AGMO: variants seen among roughly 807,000 people sequenced by gnomAD.
AGMO encodes the protein alkylglycerol monooxygenase.
A neutral mutation model predicts 60.2 loss-of-function variants in AGMO; 75 were observed. That is an observed-to-expected ratio of 1.25 (90% CI 1.03 to 1.51). The LOEUF is 1.51. Among genes scored for constraint, AGMO ranks in the 40% most tolerant of loss-of-function variants. AGMO has a pLI of 0.00. For missense variants in AGMO, 763 were observed against 525.5 expected (o/e 1.45, Z -4.42); for synonymous variants, 261 against 177.1 (o/e 1.47, Z -3.76).
chr7:15,286,943 A>G (rs1303048016), intron 12 of AGMO, among the ~76,000 whole-genome samples: 1 of 152,166 alleles, frequency 6.6e-6, no homozygotes, highest in Non-Finnish European at 1.5e-5. Flanking sequence ...ATGGAGCTGG[A>G]GGCCATTATT....
At chr7:15,428,644 T>C (rs1781137470) in intron 4 of AGMO, among the ~76,000 whole-genome samples, 1 of 152,120 alleles carries the variant, frequency 6.6e-6, no homozygotes, top group African/African-American at 2.4e-5. Flanking sequence ...AAGATTCATA[T>C]TTATAGCTTT....
chr7:15,325,476 A>C (rs1349163057), intron 12 of AGMO, among the ~76,000 whole-genome samples: 1 of 152,104 alleles, frequency 6.6e-6, no homozygotes, highest in Non-Finnish European at 1.5e-5. Flanking sequence ...GTTGTTTTTT[A>C]AACAAACTTC....
chr7:15,288,856 A>T (rs376997702), intron 12 of AGMO, among the ~76,000 whole-genome samples: 4,274 of 147,358 alleles, frequency 0.029, 101 homozygotes, highest in Non-Finnish European at 0.046. Context: ...AAAAATAAAA[A>T]AAAAAAAAAT....
At chr7:15,237,373 T>C (rs2128501542) in intron 12 of AGMO, among the ~76,000 whole-genome samples, 1 of 152,180 alleles carries the variant, frequency 6.6e-6, no homozygotes, top group South Asian at 2.1e-4. Flanking sequence ...CTTTTCTTTA[T>C]ATTTCCTGTG....
intron 12 of AGMO, among the ~76,000 whole-genome samples, chr7:15,342,382 AGT>A (rs1563097644): frequency 6.6e-6 from 1 of 151,962 alleles, no homozygotes; most frequent in Non-Finnish European, 1.5e-5. Flanking sequence ...TGAATTCATA[AGT>A]GTCTTCCAAA....
At chr7:15,189,554 G>T in the AGMO span, among the ~76,000 whole-genome samples, 2 of 151,918 alleles carry the variant, frequency 1.3e-5, no homozygotes, top group Admixed American at 1.3e-4. Context: ...TTCACTTTTT[G>T]TTTTTTGAAG....
At chr7:15,320,690 C>T (rs1209581654) in intron 12 of AGMO, among the ~76,000 whole-genome samples, 1 of 152,020 alleles carries the variant, frequency 6.6e-6, no homozygotes, top group Non-Finnish European at 1.5e-5. Flanking sequence ...AAGCTAACAA[C>T]CATCATTAAA....
intron 12 of AGMO, among the ~76,000 whole-genome samples, chr7:15,209,655 C>G (rs1293374026): frequency 1.3e-5 from 2 of 152,132 alleles, no homozygotes; most frequent in East Asian, 3.9e-4. Context: ...CAAATGGTTT[C>G]TCGCCTAAGT....
intron 3 of AGMO, among the ~76,000 whole-genome samples, chr7:15,515,869 T>C (rs1783795273): frequency 1.3e-5 from 2 of 152,188 alleles, no homozygotes; most frequent in African/African-American, 4.8e-5. Context: ...TTTAGTACTG[T>C]AGACAGGGTA....
chr7:15,369,739 G>GT (rs1014418807), intron 10 of AGMO, among the ~76,000 whole-genome samples: 9 of 152,010 alleles, frequency 5.9e-5, no homozygotes, highest in Non-Finnish European at 1.5e-5. Context: ...CTCAATGAAA[G>GT]TTTTTATCTC....
chr7:15,297,352 C>T (rs571067941), intron 12 of AGMO, among the ~76,000 whole-genome samples: 3 of 152,212 alleles, frequency 2.0e-5, no homozygotes, highest in African/African-American at 7.2e-5. Flanking sequence ...CTACATTTTA[C>T]TATTGTAGTT....
At chr7:15,332,016 T>C (rs1331445953) in intron 12 of AGMO, among the ~76,000 whole-genome samples, 2 of 152,076 alleles carry the variant, frequency 1.3e-5, no homozygotes, top group African/African-American at 4.8e-5. Context: ...ATGGGCAATC[T>C]TCTACTTACC....
chr7:15,525,323 G>C (rs1359353234), intron 3 of AGMO, among the ~76,000 whole-genome samples: 1 of 152,060 alleles, frequency 6.6e-6, no homozygotes, highest in Admixed American at 6.5e-5. Flanking sequence ...CTGCGGACTA[G>C]ATTGAGAACC....
chr7:15,505,415 G>A (rs779738203), intron 3 of AGMO, among the ~76,000 whole-genome samples: 3 of 151,940 alleles, frequency 2.0e-5, no homozygotes, highest in Non-Finnish European at 4.4e-5. Flanking sequence ...CAAGGCAGGA[G>A]AATTTAGAGA....
chr7:15,492,930 G>A (rs1207559668), intron 3 of AGMO, among the ~76,000 whole-genome samples: 1 of 151,972 alleles, frequency 6.6e-6, no homozygotes, highest in Non-Finnish European at 1.5e-5. Flanking sequence ...TTGAAGCCTT[G>A]ACGCCATCAC....
intron 12 of AGMO, among the ~76,000 whole-genome samples, chr7:15,305,673 T>C (rs1026499963): frequency 3.3e-5 from 5 of 152,114 alleles, no homozygotes; most frequent in African/African-American, 1.2e-4. Context: ...GTAAAGAAGA[T>C]CTGGATTTTA....
chr7:15,377,239 AAC>A (rs1323300674), intron 10 of AGMO, among the ~76,000 whole-genome samples: 2 of 152,114 alleles, frequency 1.3e-5, no homozygotes, highest in African/African-American at 4.8e-5. Flanking sequence ...AGCAAAGAAA[AAC>A]ACATGTGGGA....
chr7:15,234,887 G>A (rs751680234), intron 12 of AGMO, among the ~76,000 whole-genome samples: 2 of 152,054 alleles, frequency 1.3e-5, no homozygotes, highest in Non-Finnish European at 2.9e-5. Flanking sequence ...AAAAACAAAA[G>A]ACATGCTACA....
At chr7:15,418,878 T>A (rs1780853959) in intron 4 of AGMO, among the ~76,000 whole-genome samples, 1 of 151,896 alleles carries the variant, frequency 6.6e-6, no homozygotes, top group South Asian at 2.1e-4. Context: ...CATTTAATAT[T>A]GTCTAGTTAA....
Sources: allele counts gnomAD v4.1 joint callset (sites outside exome capture counted in the v4.1 genomes callset), GRCh38; gene constraint gnomAD v4.1.1; transcripts MANE v1.5; gene names NCBI Gene and HGNC (gene_info 2026-07-23, HGNC 2026-07-21).